Variants in ABCB5 observed in about 807,000 individuals in gnomAD.
ABCB5 encodes the protein ATP binding cassette subfamily B member 5.
In ABCB5, 155 loss-of-function variants were observed where a neutral mutation model predicts 144.2. The observed-to-expected ratio is 1.08, with a 90% CI of 0.94 to 1.23. The LOEUF is 1.23. Among genes scored for constraint, ABCB5 ranks in the 50% most tolerant of loss-of-function variants. The probability of loss-of-function intolerance (pLI) is 0.00; values close to 1 mark genes in which losing one functional copy is unlikely to be tolerated. For synonymous variants in ABCB5, 610 were observed against 528.6 expected, an observed-to-expected ratio of 1.15 and a Z score of -2.11; for missense variants, 1,830 against 1,520.8, an observed-to-expected ratio of 1.20 and a Z score of -3.38.
intron 7 of ABCB5, among the ~76,000 whole-genome samples, chr7:20,644,682 AG>A (rs1332967195): frequency 6.6e-6 from 1 of 152,266 alleles, no homozygotes; most frequent in Non-Finnish European, 1.5e-5. Flanking sequence ...TAGGAGGCAC[AG>A]TGCTTTAAAT....
At chr7:20,619,168 G>A (rs1462433542) in intron 1 of ABCB5, among the ~76,000 whole-genome samples, 2 of 152,240 alleles carry the variant, frequency 1.3e-5, no homozygotes, top group South Asian at 4.2e-4. Flanking sequence ...ATAAACATAA[G>A]AGTGCATGCG....
chr7:20,696,045 C>G (rs1786404160), intron 16 of ABCB5, among the ~76,000 whole-genome samples: 1 of 151,980 alleles, frequency 6.6e-6, no homozygotes, highest in Non-Finnish European at 1.5e-5. Flanking sequence ...CTAAATGATC[C>G]AGCCATTTCA....
chr7:20,644,741 CAG>C (rs1784366328), intron 7 of ABCB5, among the ~76,000 whole-genome samples: 1 of 152,126 alleles, frequency 6.6e-6, no homozygotes, highest in African/African-American at 2.4e-5. Context: ...CTAAAATTTC[CAG>C]AGTTTATTTA....
chr7:20,623,196 G>A, intron 1 of ABCB5, 69 bp from the exon 2 acceptor site: 1 of 924,782 alleles, frequency 1.1e-6, no homozygotes. Flanking sequence ...GGGATGTAAA[G>A]AATGCTGTAT....
intron 14 of ABCB5, chr7:20,659,047 G>A: frequency 1.9e-6 from 3 of 1,612,548 alleles, no homozygotes; most frequent in Non-Finnish European, 2.5e-6. Flanking sequence ...TCTCTTCTCT[G>A]ACCACTTTTC....
At chr7:20,735,474 G>C (rs1249541901) in intron 23 of ABCB5, among the ~76,000 whole-genome samples, 1 of 152,178 alleles carries the variant, frequency 6.6e-6, no homozygotes, top group Non-Finnish European at 1.5e-5. Context: ...GTTAAGGAAA[G>C]CAACACTGGT....
Position 20,668,599 on chromosome 7 carries a change from G to GC in ABCB5, c.1707+9923_1707+9924insC, listed in dbSNP as rs1215296242. Among the ~76,000 whole-genome samples, 15 of 146,162 alleles carry GC rather than the reference G, an allele frequency of 1.0e-4. No homozygotes were observed. The East Asian group carries it at 2.3e-3, about 22-fold the overall frequency. ...CCGTCCGGGAGGGAGGTGGGGGGGG[G>GC]GGTCAGCCCCCCGCCCGGCCAGCCG... On this transcript the variant is annotated intron_variant, in intron 14 of 27. Coordinates refer to ENST00000404938, the MANE Select transcript of ABCB5 (RefSeq NM_001163941.2).
At chr7:20,698,648 G>T in intron 17 of ABCB5, 98 bp downstream of exon 17, 1 of 1,248,858 alleles carries the variant, frequency 8.0e-7, no homozygotes, top group East Asian at 2.7e-5. Context: ...GGGAAAATTG[G>T]GACTTTTAGT....
chr7:20,655,282 G>T (rs2097681), intron 13 of ABCB5, among the ~76,000 whole-genome samples: 25,670 of 152,010 alleles, frequency 0.17, 2,455 homozygotes, highest in African/African-American at 0.26. Flanking sequence ...TACCAGCCTG[G>T]ACAACATGGC....
At chr7:20,623,180 A>G in intron 1 of ABCB5, 85 bp from the exon 2 acceptor site, 1 of 793,890 alleles carries the variant, frequency 1.3e-6, no homozygotes, top group Non-Finnish European at 2.1e-6. Flanking sequence ...AAACTGTGAG[A>G]GATGTGGGAT....
intron 25 of ABCB5, among the ~76,000 whole-genome samples, chr7:20,744,774 T>TA (rs937225844): frequency 2.6e-5 from 4 of 151,336 alleles, no homozygotes; most frequent in East Asian, 1.9e-4. Context: ...ATAATAAAAT[T>TA]AAAAAAATAT....
intron 14 of ABCB5, among the ~76,000 whole-genome samples, chr7:20,680,990 CTTTCTTTCTTTCTTTCTTTCTTTCTT>C (rs1785778626): frequency 6.5e-5 from 1 of 15,500 alleles, no homozygotes; most frequent in African/African-American, 4.6e-4. Flanking sequence ...TTCTTTCTTT[CTTTCTTTCTTTCTTTCTTTCTTTCTT>C]TCTTTCTTTC....
At position 20,651,343 on chromosome 7, in the gene ABCB5, T is replaced by C. The variant is rs540185083; in HGVS notation, c.1333-77T>C. 7 of 1,318,478 alleles carry C rather than the reference T, an allele frequency of 5.3e-6. No homozygotes were observed. In the Admixed American group the frequency reaches 7.8e-5, roughly 15 times the overall value. 81.7% of individuals were successfully genotyped at this position (1,318,478 alleles called of 1,614,324 possible). ...AAAATATGCTACTTCTCAGCTTATA[T>C]TTTGGTCTAGTATGAAAAACCCTAA... On this transcript the variant is annotated intron_variant, in intron 12 of 27. Transcript: ENST00000404938.
intron 26 of ABCB5, among the ~76,000 whole-genome samples, chr7:20,751,395 C>T (rs769021301): frequency 3.9e-5 from 6 of 152,070 alleles, no homozygotes; most frequent in Non-Finnish European, 7.4e-5. Flanking sequence ...GGCGTGAACC[C>T]GGGAAGCGGA....
chr7:20,686,872 T>C (rs1562562410), intron 16 of ABCB5, among the ~76,000 whole-genome samples: 3 of 152,158 alleles, frequency 2.0e-5, no homozygotes, highest in Admixed American at 2.0e-4. Flanking sequence ...ATTATCTGCC[T>C]GAAGCCCCTG....
rs771666667 is a variant in ABCB5, at chr7:20,651,628, G to T, written c.1536+5G>T. On this transcript the variant is annotated splice_donor_5th_base_variant and intron_variant, in intron 13 of 27. Transcript: ENST00000404938. ...TTTATCATGGAGTTTCCTAATGTGA[G>T]TACACTGTGCAGCCTGTGTCCTTAG... is the stretch of plus-strand genomic sequence containing the variant. The T allele has an allele frequency of 6.2e-7, 1 of 1,613,730 alleles. No homozygotes were observed. The highest frequency in any genetic ancestry group is 1.1e-5 in the South Asian group (1 of 91,068).
chr7:20,746,533 T>C (rs1227683099), intron 26 of ABCB5, among the ~76,000 whole-genome samples: 1 of 152,222 alleles, frequency 6.6e-6, no homozygotes, highest in Non-Finnish European at 1.5e-5. Context: ...AGTCTGAAAA[T>C]TACCCTGAGC....
chr7:20,734,307 A>G (rs544723124), intron 23 of ABCB5, among the ~76,000 whole-genome samples: 1 of 151,758 alleles, frequency 6.6e-6, no homozygotes, highest in South Asian at 2.1e-4. Context: ...ACTCCCTCCT[A>G]CTAGAATTCT....
chr7:20,728,937 T>C (rs1782125453), intron 23 of ABCB5, among the ~76,000 whole-genome samples: 4 of 152,184 alleles, frequency 2.6e-5, no homozygotes. Flanking sequence ...TTTTTAAATT[T>C]TGTATTGATA....
Sources: allele counts gnomAD v4.1 joint callset (sites outside exome capture counted in the v4.1 genomes callset), GRCh38; gene constraint gnomAD v4.1.1; transcripts MANE v1.5; gene names NCBI Gene and HGNC (gene_info 2026-07-23, HGNC 2026-07-21).